The following ADGRB3 variants were observed in gnomAD, a reference collection of about 807,000 sequenced individuals.
The protein encoded by ADGRB3 is adhesion G protein-coupled receptor B3, also known as brain-specific angiogenesis inhibitor 3.
In ADGRB3, 37 loss-of-function variants were observed where a neutral mutation model predicts 193.4. The observed-to-expected ratio is 0.19, with a 90% CI of 0.15 to 0.25. The LOEUF (loss-of-function observed/expected upper bound fraction) is 0.25, where lower values mean the gene tolerates loss of function less well. ADGRB3 is among the 10% of genes least tolerant of loss of function. The pLI is 1.00. For missense variants in ADGRB3, 1,637 were observed against 1,852.9 expected, an observed-to-expected ratio of 0.88 and a Z score of 2.14; for synonymous variants, 690 against 644.2, an observed-to-expected ratio of 1.07 and a Z score of -1.08.
At chr6:69,283,923 T>C (rs1767495957) in intron 20 of ADGRB3, among the ~76,000 whole-genome samples, 1 of 152,128 alleles carries the variant, frequency 6.6e-6, no homozygotes, top group South Asian at 2.1e-4. Context: ...CCCATTAAAA[T>C]ACAGCAGCAT....
intron 17 of ADGRB3, among the ~76,000 whole-genome samples, chr6:69,219,461 G>GTGTATATATATATATATATATATA (rs1491200940): frequency 1.0e-5 from 1 of 98,948 alleles, no homozygotes; most frequent in African/African-American, 3.2e-5. Flanking sequence ...ACACACACAC[G>GTGTATATATATATATATATATATA]TATATATATA....
chr6:69,062,813 T>C, intron 15 of ADGRB3, 121 bp from the exon 16 acceptor site: 1 of 674,376 alleles, frequency 1.5e-6, no homozygotes, highest in Non-Finnish European at 2.5e-6. Flanking sequence ...TGAATAATAC[T>C]ACGATTTATG....
intron 17 of ADGRB3, chr6:69,232,548 G>A (rs1766166368): frequency 6.5e-7 from 1 of 1,535,574 alleles, no homozygotes; most frequent in South Asian, 1.2e-5. Flanking sequence ...CTGCCCCAGG[G>A]CAAAGAAGCA....
At chr6:69,199,756 G>C (rs546595565) in intron 17 of ADGRB3, among the ~76,000 whole-genome samples, 1 of 152,226 alleles carries the variant, frequency 6.6e-6, no homozygotes, top group African/African-American at 2.4e-5. Context: ...CAGAAGCTCA[G>C]CTACCTGCTT....
intron 3 of ADGRB3, among the ~76,000 whole-genome samples, chr6:68,893,965 G>A (rs940572079): frequency 6.6e-6 from 1 of 151,820 alleles, no homozygotes; most frequent in African/African-American, 2.4e-5. Context: ...AATGAGCATA[G>A]ATGATATATG....
At chr6:68,986,757 C>T (rs1469668616) in intron 10 of ADGRB3, among the ~76,000 whole-genome samples, 1 of 152,020 alleles carries the variant, frequency 6.6e-6, no homozygotes, top group Non-Finnish European at 1.5e-5. Context: ...CTTTAACATA[C>T]CTTGCAGATG....
chr6:69,310,299 C>T (rs566056655), intron 20 of ADGRB3, among the ~76,000 whole-genome samples: 1 of 151,768 alleles, frequency 6.6e-6, no homozygotes, highest in South Asian at 2.1e-4. Flanking sequence ...AATAATAAAT[C>T]CTTGGCTCAA....
intron 17 of ADGRB3, among the ~76,000 whole-genome samples, chr6:69,173,169 C>G (rs1333258009): frequency 2.0e-5 from 3 of 152,220 alleles, no homozygotes; most frequent in Non-Finnish European, 4.4e-5. Context: ...TCCCAAGTAG[C>G]TGGGATTATG....
intron 13 of ADGRB3, among the ~76,000 whole-genome samples, chr6:69,029,685 A>T (rs1246391482): frequency 6.6e-6 from 1 of 152,196 alleles, no homozygotes; most frequent in Non-Finnish European, 1.5e-5. Flanking sequence ...TATAACAGAG[A>T]TAGTGATGGT....
intron 3 of ADGRB3, among the ~76,000 whole-genome samples, chr6:68,843,099 C>T (rs1215269082): frequency 1.3e-5 from 2 of 150,100 alleles, no homozygotes; most frequent in African/African-American, 4.9e-5. Flanking sequence ...AAACTGAAAG[C>T]CTTTCCTCTA....
intron 3 of ADGRB3, among the ~76,000 whole-genome samples, chr6:68,883,626 C>G (rs916038959): frequency 2.6e-5 from 4 of 152,066 alleles, no homozygotes; most frequent in Non-Finnish European, 5.9e-5. Context: ...TCCAGAGGCA[C>G]TGCCTTAAAA....
intron 26 of ADGRB3, among the ~76,000 whole-genome samples, chr6:69,340,970 A>C (rs1219892237): frequency 1.3e-5 from 2 of 152,216 alleles, no homozygotes; most frequent in Non-Finnish European, 2.9e-5. Flanking sequence ...GCTGCAGAGC[A>C]TTCCATGGTG....
chr6:69,095,167 A>G (rs1041972998), intron 17 of ADGRB3, among the ~76,000 whole-genome samples: 2 of 152,226 alleles, frequency 1.3e-5, no homozygotes, highest in Non-Finnish European at 2.9e-5. Context: ...TGTCTCCCAC[A>G]ATGTCTGCAG....
intron 11 of ADGRB3, among the ~76,000 whole-genome samples, chr6:69,000,112 A>G (rs1769523742): frequency 6.6e-6 from 1 of 152,202 alleles, no homozygotes; most frequent in East Asian, 1.9e-4. Flanking sequence ...TTTAAAATCA[A>G]ATTTCAGCCT....
chr6:69,367,432 C>G (rs368206150), intron 29 of ADGRB3, among the ~76,000 whole-genome samples: 137 of 152,066 alleles, frequency 9.0e-4, no homozygotes, highest in Middle Eastern at 3.4e-3. Context: ...CCTGAGGAAT[C>G]GCCACACTGA....
chr6:69,346,518 C>T (rs1263001454), intron 26 of ADGRB3, among the ~76,000 whole-genome samples: 1 of 152,096 alleles, frequency 6.6e-6, no homozygotes, highest in Non-Finnish European at 1.5e-5. Context: ...AAGAAATAAA[C>T]AACTCTATCA....
chr6:68,689,918 T>C (rs1475604061), intron 3 of ADGRB3, among the ~76,000 whole-genome samples: 1 of 152,178 alleles, frequency 6.6e-6, no homozygotes, highest in African/African-American at 2.4e-5. Context: ...GTTTTGCCTG[T>C]CTCTTCACAT....
rs199758299 is a variant in ADGRB3, at chr6:69,205,952, A to AT, written c.2481-27326dup. ...AGGCATGGATCACCACACCAAGCTA[A>AT]TTTTTTTTTTTTACATTGTATTAGT... On this transcript the variant is annotated intron_variant, in intron 17 of 31. Transcript: ENST00000370598. Among the ~76,000 whole-genome samples, 490 of 139,344 alleles carry AT rather than the reference A, an allele frequency of 3.5e-3. 1 individual carries two copies. The highest frequency in any genetic ancestry group is 0.03 in the East Asian group (144 of 4,826). The allele number at this position is 139,344 out of a possible 152,430, so 91.4% of individuals were successfully genotyped here.
chr6:69,382,074 GA>G (rs1712653531), intron 30 of ADGRB3, among the ~76,000 whole-genome samples: 1 of 151,786 alleles, frequency 6.6e-6, no homozygotes, highest in Non-Finnish European at 1.5e-5. Context: ...ATTTTTATTT[GA>G]CTCCATTTGT....
Sources: gnomAD v4.1 joint callset for allele counts (sites outside exome capture counted in the v4.1 genomes callset) on GRCh38, gnomAD v4.1.1 for gene constraint, MANE v1.5 for transcripts, NCBI Gene and HGNC (gene_info 2026-07-23, HGNC 2026-07-21) for gene names.